Variants in EPHB2 observed in about 807,000 individuals in gnomAD.
EPHB2 encodes EPH receptor B2, also known as ephrin type-B receptor 2.
In EPHB2, 18 loss-of-function variants were observed where a neutral mutation model predicts 96.4. That is an observed-to-expected ratio of 0.19 (90% confidence interval 0.13 to 0.28). The LOEUF (loss-of-function observed/expected upper bound fraction) is 0.28, where lower values mean the gene tolerates loss of function less well. EPHB2 is among the 10% of genes least tolerant of loss of function. EPHB2 has a pLI of 1.00. For missense variants in EPHB2, 989 were observed against 1,355.4 expected, an observed-to-expected ratio of 0.73 and a Z score of 4.25; for synonymous variants, 506 against 534.1, an observed-to-expected ratio of 0.95 and a Z score of 0.72.
chr1:22,857,355 A>G (rs1645715981), intron 3 of EPHB2, among the ~76,000 whole-genome samples: 1 of 151,922 alleles, frequency 6.6e-6, no homozygotes, highest in African/African-American at 2.4e-5. Context: ...GCTGTAGGAG[A>G]ATGGAGGGCA....
At chr1:22,758,452 C>T (rs1432990464) in intron 1 of EPHB2, among the ~76,000 whole-genome samples, 1 of 152,056 alleles carries the variant, frequency 6.6e-6, no homozygotes, top group African/African-American at 2.4e-5. Flanking sequence ...AGTCCTTAGT[C>T]AAGGTCCATC....
intron 3 of EPHB2, among the ~76,000 whole-genome samples, chr1:22,855,181 C>T (rs1482867046): frequency 1.7e-4 from 26 of 152,144 alleles, no homozygotes; most frequent in Admixed American, 1.7e-3. Context: ...GAGCTGAGGC[C>T]CAGAGTGGGC....
chr1:22,899,194 A>G (rs1639669956), intron 9 of EPHB2, among the ~76,000 whole-genome samples: 2 of 30,324 alleles, frequency 6.6e-5, no homozygotes, highest in African/African-American at 2.0e-4. Flanking sequence ...ACGCCATCTC[A>G]AAAAAAAAAA....
chr1:22,921,359 C>T lies in EPHB2; in HGVS notation c.*7789C>T, dbSNP rs1426753895. On this transcript the variant is annotated 3_prime_UTR_variant, in exon 16 of 16. Transcript: ENST00000374630. Reference sequence around the variant, plus strand: ...AACCGCCGTGGGTCAGACCTGGCTCCTCCGGACCCCACTGCTGTGACCAAG... The same window carrying T: ...AACCGCCGTGGGTCAGACCTGGCTCTTCCGGACCCCACTGCTGTGACCAAG... 1 of 152,192 alleles carries T rather than the reference C, an allele frequency of 6.6e-6. No homozygotes were observed. Among genetic ancestry groups the T allele is most frequent in the African/African-American group, 2.4e-5 (1 of 41,432 alleles). 9.4% of individuals were successfully genotyped at this position (152,192 alleles called of 1,614,324 possible).
At chr1:22,859,133 G>A (rs142981067) in intron 3 of EPHB2, among the ~76,000 whole-genome samples, 6,759 of 152,008 alleles carry the variant, frequency 0.044, 486 homozygotes, top group African/African-American at 0.14. Context: ...GCGAGACTCC[G>A]TCTCAATAAA....
chr1:22,725,222 T>C (rs1424190483), intron 1 of EPHB2, among the ~76,000 whole-genome samples: 1 of 152,044 alleles, frequency 6.6e-6, no homozygotes, highest in Non-Finnish European at 1.5e-5. Context: ...GGATGAGTTA[T>C]TGATGGTTAG....
chr1:22,794,779 G>T (rs1306122872), intron 3 of EPHB2, among the ~76,000 whole-genome samples: 1 of 152,148 alleles, frequency 6.6e-6, no homozygotes, highest in Non-Finnish European at 1.5e-5. Context: ...CTCGGCCCCA[G>T]ACTGGCTCAT....
At chr1:22,727,054 C>A (rs1643598149) in intron 1 of EPHB2, among the ~76,000 whole-genome samples, 1 of 152,108 alleles carries the variant, frequency 6.6e-6, no homozygotes. Flanking sequence ...TTAAGAGAAG[C>A]CTTGAGTGAT....
At chr1:22,826,710 G>T (rs144370868) in intron 3 of EPHB2, among the ~76,000 whole-genome samples, 2 of 152,100 alleles carry the variant, frequency 1.3e-5, no homozygotes, top group Admixed American at 1.3e-4. Flanking sequence ...CTGTGTCTCC[G>T]CAGCCTGACA....
chr1:22,828,938 C>A (rs1381089182), intron 3 of EPHB2, among the ~76,000 whole-genome samples: 1 of 152,192 alleles, frequency 6.6e-6, no homozygotes, highest in Non-Finnish European at 1.5e-5. Flanking sequence ...TAGACTGTTA[C>A]AGTAAACACA....
At chr1:22,883,975 C>A (rs192792025) in intron 6 of EPHB2, among the ~76,000 whole-genome samples, 1 of 152,000 alleles carries the variant, frequency 6.6e-6, no homozygotes, top group Non-Finnish European at 1.5e-5. Context: ...GCCGTCCCCC[C>A]ACCCACCCAC....
chr1:22,780,569 G>A (rs1287219506), intron 1 of EPHB2, among the ~76,000 whole-genome samples: 1 of 152,162 alleles, frequency 6.6e-6, no homozygotes, highest in African/African-American at 2.4e-5. Context: ...AGCAACGAGG[G>A]GAAACTGAGG....
chr1:22,784,831 C>T lies in EPHB2; in HGVS notation c.566C>T (p.Ala189Val), dbSNP rs1331861062. Residue 189 changes from alanine (A) to valine (V), a missense_variant, in exon 3 of 16, where the codon GCC (alanine) becomes GTC (valine). Transcript: ENST00000374630. The surrounding 1 kb of genome is among the most constrained non-coding windows in gnomAD (Gnocchi z 5.1). ...TATGGCGGCTGCATGTCCCTCATCG[C>T]CGTGCGTGTCTTCTACCGCAAGTGC... ...QDYGGCMSLI[A>V]VRVFYRKCPR... 1.9e-6 allele frequency: 3 copies of T among 1,604,244 alleles called. No homozygotes were observed. The highest frequency in any genetic ancestry group is 2.6e-6 in the Non-Finnish European group (3 of 1,174,158).
At chr1:22,876,559 C>A (rs1298562718) in intron 5 of EPHB2, among the ~76,000 whole-genome samples, 1 of 152,158 alleles carries the variant, frequency 6.6e-6, no homozygotes, top group East Asian at 1.9e-4. Context: ...CTGCCCCTCT[C>A]GGCCACAAGC....
chr1:22,882,858 C>T (rs1639096392), intron 6 of EPHB2: 1 of 324,530 alleles, frequency 3.1e-6, no homozygotes, highest in Non-Finnish European at 6.0e-6. Flanking sequence ...AGTCACTCAC[C>T]TCTTCTTCGA....
chr1:22,891,061 A>T, intron 6 of EPHB2: 1 of 456,004 alleles, frequency 2.2e-6, no homozygotes, highest in Non-Finnish European at 4.4e-6. Context: ...AGCCTGTTAT[A>T]CCTATTGATT....
chr1:22,773,010 C>A (rs1031302574), intron 1 of EPHB2, among the ~76,000 whole-genome samples: 12 of 152,150 alleles, frequency 7.9e-5, no homozygotes, highest in African/African-American at 2.7e-4. Context: ...TAAGTTTGCT[C>A]TGGGATGTAA....
intron 3 of EPHB2, among the ~76,000 whole-genome samples, chr1:22,794,588 ACTTCTGATTT>A (rs1027960746): frequency 6.6e-6 from 1 of 152,072 alleles, no homozygotes; most frequent in Non-Finnish European, 1.5e-5. Context: ...TGTGCCTTCC[ACTTCTGATTT>A]CTTCTGATAC....
At chr1:22,867,381 C>G (rs1638512984) in intron 5 of EPHB2, among the ~76,000 whole-genome samples, 1 of 152,204 alleles carries the variant, frequency 6.6e-6, no homozygotes, top group Non-Finnish European at 1.5e-5. Flanking sequence ...TTTGTACATC[C>G]AAATGTGGCT....
Sources: gnomAD v4.1 joint callset for allele counts (sites outside exome capture counted in the v4.1 genomes callset) on GRCh38, gnomAD v4.1.1 for gene constraint, Gnocchi (gnomAD v3.1) non-coding constraint, MANE v1.5 for transcripts, NCBI Gene and HGNC (gene_info 2026-07-23, HGNC 2026-07-21) for gene names.